The following PLCB1 variants were observed in gnomAD, a reference collection of about 807,000 sequenced individuals.
The protein encoded by PLCB1 is phospholipase C beta 1.
PLCB1 carries 46 observed loss-of-function variants against 161.8 expected under a neutral mutation model. That is an observed-to-expected ratio of 0.28 (90% CI 0.22 to 0.36). PLCB1 has a LOEUF of 0.36. PLCB1 is among the 10% of genes least tolerant of loss of function. PLCB1 has a pLI of 1.00. For missense variants in PLCB1, 1,016 were observed against 1,472.5 expected, an observed-to-expected ratio of 0.69 and a Z score of 5.07; for synonymous variants, 517 against 503.7, an observed-to-expected ratio of 1.03 and a Z score of -0.35.
chr20:8,650,093 G>C lies in PLCB1; in HGVS notation c.594+644G>C, dbSNP rs1484596599. On this transcript the variant is annotated intron_variant, in intron 7 of 31. Coordinates refer to ENST00000338037, the MANE Select transcript of PLCB1 (RefSeq NM_015192.4). ...CTAATCAGGTAATATTTTTAAAATA[G>C]TCAAAAAAGGCTAACATTATCAAGA... 5 of 152,012 alleles carry C rather than the reference G, an allele frequency of 3.3e-5. No individual in the cohort carries two copies. In the South Asian group the frequency reaches 1.0e-3, roughly 32 times the overall value. 9.4% of individuals were successfully genotyped at this position (152,012 alleles called of 1,614,324 possible). A position where few individuals can be genotyped will look rare whatever the true frequency, so the allele number is the denominator to read the frequency against.
chr20:8,610,121 T>C (rs1456073654), intron 3 of PLCB1, among the ~76,000 whole-genome samples: 1 of 152,196 alleles, frequency 6.6e-6, no homozygotes, highest in Non-Finnish European at 1.5e-5. Context: ...GTTTAACTAT[T>C]CTAGAAATTT....
intron 3 of PLCB1, among the ~76,000 whole-genome samples, chr20:8,405,706 T>C (rs554299977): frequency 5.3e-5 from 8 of 152,324 alleles, no homozygotes; most frequent in African/African-American, 1.9e-4. Context: ...TGAATTTGGC[T>C]TGTACCAATT....
At chr20:8,314,172 G>A (rs1037961722) in intron 2 of PLCB1, among the ~76,000 whole-genome samples, 4 of 152,144 alleles carry the variant, frequency 2.6e-5, no homozygotes, top group African/African-American at 9.7e-5. Flanking sequence ...CAGCTGTCTT[G>A]GAGAATTATA....
chr20:8,418,134 C>G (rs1269355085), intron 3 of PLCB1, among the ~76,000 whole-genome samples: 1 of 152,170 alleles, frequency 6.6e-6, no homozygotes, highest in Non-Finnish European at 1.5e-5. Context: ...TGTCCTCCCT[C>G]TCTCTCATTT....
At chr20:8,425,738 G>A (rs1011523167) in intron 3 of PLCB1, among the ~76,000 whole-genome samples, 6 of 152,120 alleles carry the variant, frequency 3.9e-5, no homozygotes, top group African/African-American at 1.4e-4. Context: ...GAGATTCCCA[G>A]CTATGGTGGT....
At chr20:8,296,679 G>A (rs1157737861) in intron 2 of PLCB1, among the ~76,000 whole-genome samples, 1 of 152,082 alleles carries the variant, frequency 6.6e-6, no homozygotes, top group African/African-American at 2.4e-5. Flanking sequence ...TGGGTGTTTT[G>A]TTTCATTGGC....
At chr20:8,803,466 A>G (rs899885973) in intron 31 of PLCB1, among the ~76,000 whole-genome samples, 1 of 146,774 alleles carries the variant, frequency 6.8e-6, no homozygotes, top group Non-Finnish European at 1.5e-5. Context: ...CTGTAACACT[A>G]GAAAGAGGGA....
chr20:8,316,889 C>T (rs1008120482), intron 2 of PLCB1, among the ~76,000 whole-genome samples: 2 of 152,104 alleles, frequency 1.3e-5, no homozygotes, highest in Non-Finnish European at 2.9e-5. Flanking sequence ...ATCACCTTCT[C>T]TCATAAAAAA....
chr20:8,745,750 A>C (rs1981137944), intron 23 of PLCB1, among the ~76,000 whole-genome samples: 1 of 152,158 alleles, frequency 6.6e-6, no homozygotes, highest in African/African-American at 2.4e-5. Context: ...GTTGTAGAGT[A>C]AGTGCCTAAC....
chr20:8,477,050 G>A (rs1982309697), intron 3 of PLCB1, among the ~76,000 whole-genome samples: 1 of 152,052 alleles, frequency 6.6e-6, no homozygotes, highest in African/African-American at 2.4e-5. Flanking sequence ...TACTCAGCGG[G>A]TTCCAAAGAG....
intron 2 of PLCB1, among the ~76,000 whole-genome samples, chr20:8,301,312 C>T (rs1443567349): frequency 1.3e-5 from 2 of 152,108 alleles, no homozygotes; most frequent in Non-Finnish European, 2.9e-5. Flanking sequence ...GAATTTGGCA[C>T]CTCATAATTT....
intron 2 of PLCB1, among the ~76,000 whole-genome samples, chr20:8,304,738 G>T (rs780967899): frequency 1.3e-5 from 2 of 152,024 alleles, no homozygotes; most frequent in African/African-American, 2.4e-5. Context: ...CAGTGGGCCA[G>T]GCAGTGTTCT....
chr20:8,320,828 A>ACG (rs1340005339), intron 2 of PLCB1, among the ~76,000 whole-genome samples: 4 of 128,338 alleles, frequency 3.1e-5, no homozygotes, highest in Non-Finnish European at 6.4e-5. Context: ...GGAGGGAGGG[A>ACG]GAGAGGGAGG....
intron 3 of PLCB1, among the ~76,000 whole-genome samples, chr20:8,502,972 T>C (rs748189731): frequency 6.6e-5 from 10 of 152,132 alleles, no homozygotes; most frequent in Non-Finnish European, 1.2e-4. Context: ...TCTTCATCAA[T>C]CCTGGGGATG....
At chr20:8,728,953 A>G in intron 17 of PLCB1, 97 bp from the exon 18 acceptor site, 1 of 812,020 alleles carries the variant, frequency 1.2e-6, no homozygotes, top group Non-Finnish European at 1.8e-6. Flanking sequence ...TATTTACTTC[A>G]TTTTCCAAAT....
chr20:8,143,684 G>A (rs1230684171), intron 1 of PLCB1, among the ~76,000 whole-genome samples: 1 of 152,204 alleles, frequency 6.6e-6, no homozygotes, highest in African/African-American at 2.4e-5. Context: ...GGAACAGCAG[G>A]TGTGGGTATT....
intron 2 of PLCB1, among the ~76,000 whole-genome samples, chr20:8,282,290 G>A (rs1255781316): frequency 6.6e-6 from 1 of 152,144 alleles, no homozygotes; most frequent in Non-Finnish European, 1.5e-5. Context: ...TATAAATCAT[G>A]CTTCTTTCCC....
intron 3 of PLCB1, among the ~76,000 whole-genome samples, chr20:8,415,838 G>C (rs1165423463): frequency 6.6e-6 from 1 of 152,182 alleles, no homozygotes. Flanking sequence ...TGAAAACCAA[G>C]ATCCAGGGCA....
At position 8,221,382 on chromosome 20, in the gene PLCB1, T is replaced by A. The variant is rs180928300; in HGVS notation, c.177+71011T>A. 1.8e-3 allele frequency among the ~76,000 whole-genome samples: 269 copies of A among 152,282 alleles called. 1 individual carries two copies. Among genetic ancestry groups the A allele is most frequent in the African/African-American group, 4.3e-3 (178 of 41,568 alleles). On this transcript the variant is annotated intron_variant, in intron 2 of 31. Coordinates refer to ENST00000338037, the MANE Select transcript of PLCB1 (RefSeq NM_015192.4). ...ATTTGCATTCTAATTGCAATTTTTT[T>A]TATATATCTTTTAAGTAACTGCAAC...
Sources: allele counts gnomAD v4.1 joint callset (sites outside exome capture counted in the v4.1 genomes callset), GRCh38; gene constraint gnomAD v4.1.1; transcripts MANE v1.5; gene names NCBI Gene and HGNC (gene_info 2026-07-23, HGNC 2026-07-21).